MYH14: variants seen among roughly 807,000 people sequenced by gnomAD.
MYH14 encodes the protein myosin heavy chain 14, also known as myosin-14.
MYH14 carries 123 observed loss-of-function variants against 255.5 expected under a neutral mutation model. That is an observed-to-expected ratio of 0.48 (90% confidence interval 0.42 to 0.56). The LOEUF (loss-of-function observed/expected upper bound fraction) is 0.56, where lower values mean the gene tolerates loss of function less well. Ranked by LOEUF, MYH14 falls within the 20% of genes least tolerant of loss-of-function variation. MYH14 has a pLI of 0.00. For synonymous variants in MYH14, 1,095 were observed against 1,161.2 expected (o/e 0.94, Z 1.16); for missense variants, 2,423 against 2,802.3 (o/e 0.86, Z 3.06).
chr19:50,240,802 A>G (rs544482384), intron 10 of MYH14, among the ~76,000 whole-genome samples: 2 of 151,274 alleles, frequency 1.3e-5, no homozygotes, highest in Admixed American at 6.6e-5. Flanking sequence ...TAAAAAAATA[A>G]AAACAGAAAA....
In MYH14 at chr19:50,289,507, A is replaced by G. The variant is rs375214134; in HGVS notation, c.4824A>G (p.Glu1608=). Residue 1608 remains glutamate (E), a synonymous_variant, in exon 35 of 43, where the codon GAA becomes GAG. Transcript: ENST00000642316. ...ATGATCTGCGAGCACAGGTGACAGA[A>G]CTGGAGGATGAGCTGACAGCGGCCG... is the stretch of plus-strand genomic sequence containing the variant. ...AANDLRAQVT[E]LEDELTAAED... The G allele has an allele frequency of 8.1e-6, 13 of 1,613,136 alleles. No individual in the cohort carries two copies. The highest frequency in any genetic ancestry group is 1.1e-5 in the South Asian group (1 of 90,914).
intron 36 of MYH14, among the ~76,000 whole-genome samples, chr19:50,291,898 A>G (rs2036087724): frequency 6.6e-6 from 1 of 152,130 alleles, no homozygotes; most frequent in Non-Finnish European, 1.5e-5. Context: ...AAATAAATCA[A>G]CAGTAGGCAA....
intron 26 of MYH14, among the ~76,000 whole-genome samples, chr19:50,272,340 G>A (rs1320020801): frequency 6.6e-6 from 1 of 152,090 alleles, no homozygotes; most frequent in Non-Finnish European, 1.5e-5. Context: ...GAGGGTGGAG[G>A]CATGGGCTGT....
chr19:50,275,985 C>T lies in MYH14; in HGVS notation c.3468-6C>T, dbSNP rs2035490473. 1 of 1,610,950 alleles carries T rather than the reference C, an allele frequency of 6.2e-7. No homozygotes were observed. The highest frequency in any genetic ancestry group is 8.5e-7 in the Non-Finnish European group (1 of 1,178,404). On this transcript the variant is annotated splice_region_variant and splice_polypyrimidine_tract_variant and intron_variant, in intron 27 of 42. Transcript: ENST00000642316. ...GTATCAACTCCACGGTTCTTGTCAC[C>T]CCCAGGGCAGAAGACGAGGGTGGGG...
chr19:50,252,786 G>T lies in MYH14; in HGVS notation c.1945+33G>T. On this transcript the variant is annotated intron_variant, in intron 16 of 42. Transcript: ENST00000642316. This position sits in a 1 kb window ranked among gnomAD's most constrained non-coding sequence, Gnocchi z 4.2. ...CCCACTTCCCCCACCCCGGCTCTAGGGGTCTGTGCGGCCATTCTCCAAATC... is the reference window on the plus strand; with the variant it reads ...CCCACTTCCCCCACCCCGGCTCTAGTGGTCTGTGCGGCCATTCTCCAAATC... 1 of 1,452,082 alleles carries T rather than the reference G, an allele frequency of 6.9e-7. No homozygotes were observed. The highest frequency in any genetic ancestry group is 2.5e-5 in the East Asian group (1 of 40,676). The allele number at this position is 1,452,082 out of a possible 1,614,324, so 89.9% of individuals were successfully genotyped here.
At chr19:50,218,786 A>G (rs1019623350) in intron 3 of MYH14, among the ~76,000 whole-genome samples, 11 of 151,766 alleles carry the variant, frequency 7.2e-5, no homozygotes, top group Non-Finnish European at 1.3e-4. Context: ...TGAGTCCCCA[A>G]AGTCAGTTGT....
chr19:50,212,884 C>G lies in MYH14; in HGVS notation c.405+2114C>G, dbSNP rs920019107. 7.2e-5 allele frequency among the ~76,000 whole-genome samples: 11 copies of G among 152,176 alleles called. 1 individual carries two copies. The highest frequency in any genetic ancestry group is 2.6e-4 in the Admixed American group (4 of 15,274). The stretch of plus-strand genomic sequence containing the variant: ...GAGGCCTCTACATGATCCACTCCCC[C>G]ACATCTCACCCAAGGCCACAGACAT... On this transcript the variant is annotated intron_variant, in intron 2 of 42. Transcript: ENST00000642316.
chr19:50,249,053 C>T lies in MYH14; in HGVS notation c.1396C>T (p.Arg466Cys), dbSNP rs745888926. 8.1e-6 allele frequency: 13 copies of T among 1,612,404 alleles called. No individual in the cohort carries two copies. The highest frequency in any genetic ancestry group is 5.3e-5 in the African/African-American group (4 of 75,042). ...YERLFRWLVL[R>C]LNRALDRSPR... ...GCGCCTCTTCCGCTGGCTGGTTCTG[C>T]GCCTCAACCGGGCCTTGGACCGCAG... Residue 466 changes from arginine (R) to cysteine (C), a missense_variant, in exon 13 of 43, where the codon CGC becomes TGC. Arg to Cys is a radical substitution (Grantham distance 180, BLOSUM62 -3). Around this residue, in one of 3 missense-constraint regions of MYH14, gnomAD observed 672 missense variants for 881.8 expected, o/e 0.76. Coordinates refer to ENST00000642316, the MANE Select transcript of MYH14 (RefSeq NM_001145809.2).
intron 39 of MYH14, among the ~76,000 whole-genome samples, chr19:50,297,701 T>C (rs748048961): frequency 6.6e-6 from 1 of 151,678 alleles, no homozygotes; most frequent in Non-Finnish European, 1.5e-5. Context: ...CATTTCACCA[T>C]GTTGGCCAGG....
At chr19:50,207,623 G>C (rs371331319) in intron 1 of MYH14, among the ~76,000 whole-genome samples, 6 of 152,202 alleles carry the variant, frequency 3.9e-5, no homozygotes, top group African/African-American at 1.4e-4. Flanking sequence ...AATGGGTCCA[G>C]TCTCCCCATT....
intron 6 of MYH14, among the ~76,000 whole-genome samples, chr19:50,224,456 C>A (rs897014092): frequency 8.5e-5 from 13 of 152,216 alleles, no homozygotes; most frequent in Non-Finnish European, 1.9e-4. Context: ...GTGCACACAA[C>A]CAGAGTGAAC....
intron 40 of MYH14, among the ~76,000 whole-genome samples, chr19:50,305,435 G>A (rs1317736405): frequency 6.6e-6 from 1 of 152,028 alleles, no homozygotes; most frequent in African/African-American, 2.4e-5. Flanking sequence ...ATTCGTTGTG[G>A]AACTTGATGA....
chr19:50,223,988 C>A (rs2032972509), intron 5 of MYH14, among the ~76,000 whole-genome samples, 166 bp from the exon 6 acceptor site: 1 of 152,132 alleles, frequency 6.6e-6, no homozygotes, highest in Non-Finnish European at 1.5e-5. Flanking sequence ...GATTCAAACC[C>A]AGGAGTGTGG....
chr19:50,265,305 A>G (rs1318531176), intron 22 of MYH14, among the ~76,000 whole-genome samples: 1 of 150,946 alleles, frequency 6.6e-6, no homozygotes, highest in Non-Finnish European at 1.5e-5. Context: ...TGAGCCCAAG[A>G]GTTCAAGACC....
In MYH14 at chr19:50,281,709, A is replaced by C; in HGVS notation, c.4406A>C (p.Lys1469Thr). 6.2e-7 allele frequency: 1 copy of C among 1,612,458 alleles called. No individual in the cohort carries two copies. The highest frequency in any genetic ancestry group is 2.2e-5 in the East Asian group (1 of 44,872). The change falls in exon 33 of 43, where the codon AAG becomes ACG. Residue 1469 changes from lysine to threonine, a missense_variant. Physicochemically the swap from Lys to Thr is moderately conservative, Grantham distance 78. Coordinates refer to ENST00000642316, the MANE Select transcript of MYH14 (RefSeq NM_001145809.2). ...GCCCTGACCCAGCGCCTGGCAGAAA[A>C]GACAGAGACCGTGGATCGGCTGGAG... ...AEALTQRLAE[K>T]TETVDRLERG...
chr19:50,309,649 C>T lies in MYH14; in HGVS notation c.5970C>T (p.Pro1990=), dbSNP rs773565191. The part of the protein sequence containing the change: ...TTLRNRLRRG[P]LTFTTRTVRQ... ...TCTCTCCTCCCCACAGACGCGGCCC[C>T]CTCACCTTCACCACCCGCACGGTGC... is the stretch of plus-strand genomic sequence containing the variant. The change falls in exon 43 of 43, where the codon CCC becomes CCT. Residue 1990 remains proline, a synonymous_variant. Transcript: ENST00000642316. 87 of 1,610,954 alleles carry T rather than the reference C, an allele frequency of 5.4e-5. 2 individuals carry two copies. The South Asian group carries it at 9.3e-4, about 17-fold the overall frequency.
chr19:50,290,740 G>A (rs1436062848), intron 35 of MYH14, 147 bp from the exon 36 acceptor site: 4 of 780,078 alleles, frequency 5.1e-6, no homozygotes, highest in Non-Finnish European at 8.1e-6. Flanking sequence ...GGGATAGAGA[G>A]GAGACCAAGT....
At position 50,225,694 on chromosome 19, in the gene MYH14, G is replaced by A. The variant is rs1568475065; in HGVS notation, c.810+17G>A. On this transcript the variant is annotated intron_variant, in intron 7 of 42. Transcript: ENST00000642316. ...TCCCGATTCGTGAGTGCCAGGGGTG[G>A]GCAGTGCTGGCTGTGTCAGGGATAC... 6.3e-7 allele frequency: 1 copy of A among 1,595,080 alleles called. No individual in the cohort carries two copies. The highest frequency in any genetic ancestry group is 8.6e-7 in the Non-Finnish European group (1 of 1,163,702).
intron 27 of MYH14, among the ~76,000 whole-genome samples, chr19:50,274,274 A>T (rs2035425087): frequency 1.3e-5 from 2 of 152,066 alleles, no homozygotes; most frequent in South Asian, 4.2e-4. Context: ...CTGTGTAACC[A>T]TCACCTCTAT....
Sources: allele counts gnomAD v4.1 joint callset (sites outside exome capture counted in the v4.1 genomes callset), GRCh38; gene constraint gnomAD v4.1.1; regional missense constraint gnomAD v4.1.1; non-coding constraint Gnocchi (gnomAD v3.1); transcripts MANE v1.5; gene names NCBI Gene and HGNC (gene_info 2026-07-23, HGNC 2026-07-21).